CNTNAP2: variants seen among roughly 807,000 people sequenced by gnomAD.
CNTNAP2 encodes the protein contactin-associated protein-like 2.
Under a neutral mutation model 155.2 loss-of-function variants are expected in CNTNAP2, and 98 were observed. The observed-to-expected ratio is 0.63, with a 90% confidence interval of 0.54 to 0.75. CNTNAP2 has a LOEUF of 0.75. Ranked by LOEUF, CNTNAP2 falls within the 30% of genes least tolerant of loss-of-function variation. The probability of loss-of-function intolerance (pLI) is 0.00; values close to 1 mark genes in which losing one functional copy is unlikely to be tolerated. For missense variants in CNTNAP2, 1,727 were observed against 1,688.1 expected (o/e 1.02, Z -0.40); for synonymous variants, 651 against 631.2 (o/e 1.03, Z -0.47).
intron 1 of CNTNAP2, among the ~76,000 whole-genome samples, chr7:146,565,664 C>CA (rs1268376918): frequency 2.6e-5 from 4 of 152,270 alleles, no homozygotes; most frequent in African/African-American, 9.6e-5. Flanking sequence ...TTTGTTGCTA[C>CA]AAAAAACATC....
chr7:146,464,346 A>T (rs1796685860), intron 1 of CNTNAP2, among the ~76,000 whole-genome samples: 1 of 152,088 alleles, frequency 6.6e-6, no homozygotes, highest in Non-Finnish European at 1.5e-5. Flanking sequence ...CTTTGGAAGG[A>T]AATTGTCTCA....
intron 13 of CNTNAP2, among the ~76,000 whole-genome samples, chr7:147,676,423 A>G (rs1433170694): frequency 1.3e-5 from 2 of 151,850 alleles, no homozygotes; most frequent in African/African-American, 4.8e-5. Context: ...TTCACTATAT[A>G]TAATATATTG....
intron 12 of CNTNAP2, among the ~76,000 whole-genome samples, chr7:147,616,589 C>A (rs151065907): frequency 6.6e-6 from 1 of 152,246 alleles, no homozygotes; most frequent in African/African-American, 2.4e-5. Flanking sequence ...CATTGATCTT[C>A]ATATCATTCC....
At position 147,949,440 on chromosome 7, in the gene CNTNAP2, G is replaced by GTATATATATATATATATATATATATATA. The variant is rs57422437; in HGVS notation, c.2256-28403_2256-28402insATATATATATATATATATATATATATAT. Among the ~76,000 whole-genome samples the GTATATATATATATATATATATATATATA allele has an allele frequency of 1.2e-3, 157 of 127,270 alleles. 1 individual carries two copies. The highest frequency in any genetic ancestry group is 2.0e-3 in the Non-Finnish European group (118 of 57,884). The allele number at this position is 127,270 out of a possible 152,430, so 83.5% of individuals were successfully genotyped here. A position where few individuals can be genotyped will look rare whatever the true frequency, so the allele number is the denominator to read the frequency against. ...TGTGTTGTTCAAGGATCAACTGTGT[G>GTATATATATATATATATATATATATATA]TATATATATATATATATATTTTTTT... On this transcript the variant is annotated intron_variant, in intron 14 of 23. Coordinates refer to ENST00000361727, the MANE Select transcript of CNTNAP2 (RefSeq NM_014141.6).
At chr7:147,835,200 A>C (rs1357034899) in intron 13 of CNTNAP2, among the ~76,000 whole-genome samples, 2 of 152,136 alleles carry the variant, frequency 1.3e-5, no homozygotes. Context: ...ATCCCCACTG[A>C]CTCAGAAAAG....
chr7:146,759,401 A>T lies in CNTNAP2; in HGVS notation c.98-14870A>T, dbSNP rs547029433. Reference sequence around the variant, plus strand: ...GGAGGATGAACAGATTATATTTTTTAAAAAATGGTTAGGCCGGGCACGGTG... The same window carrying T: ...GGAGGATGAACAGATTATATTTTTTTAAAAATGGTTAGGCCGGGCACGGTG... On this transcript the variant is annotated intron_variant, in intron 1 of 23. Transcript: ENST00000361727. 2.6e-5 allele frequency among the ~76,000 whole-genome samples: 4 copies of T among 152,164 alleles called. No individual in the cohort carries two copies. The East Asian group carries it at 7.8e-4, about 29-fold the overall frequency.
intron 8 of CNTNAP2, among the ~76,000 whole-genome samples, chr7:147,286,007 T>C (rs1346196703): frequency 2.0e-5 from 3 of 152,188 alleles, no homozygotes; most frequent in Non-Finnish European, 2.9e-5. Context: ...ATTATAAATA[T>C]GTACATAAAG....
chr7:146,383,383 G>T (rs994001332), intron 1 of CNTNAP2, among the ~76,000 whole-genome samples: 1 of 152,050 alleles, frequency 6.6e-6, no homozygotes, highest in East Asian at 1.9e-4. Context: ...ATGGCATACT[G>T]GAAAGGTCCT....
intron 3 of CNTNAP2, among the ~76,000 whole-genome samples, chr7:146,938,403 TTATA>T (rs1796970958): frequency 6.7e-6 from 1 of 150,172 alleles, no homozygotes; most frequent in African/African-American, 2.4e-5. Flanking sequence ...GTTTTATATA[TTATA>T]TATACATATA....
At chr7:146,201,070 T>A (rs895313821) in intron 1 of CNTNAP2, among the ~76,000 whole-genome samples, 4 of 152,218 alleles carry the variant, frequency 2.6e-5, no homozygotes, top group African/African-American at 7.2e-5. Context: ...TTTGTATTTC[T>A]GCAAAATGAG....
chr7:146,802,039 G>C (rs1234859658), intron 2 of CNTNAP2, among the ~76,000 whole-genome samples: 1 of 152,140 alleles, frequency 6.6e-6, no homozygotes, highest in Non-Finnish European at 1.5e-5. Context: ...TTGTTGTGTT[G>C]AATGAATTAT....
chr7:147,178,243 C>T (rs1043409711), intron 8 of CNTNAP2, among the ~76,000 whole-genome samples: 2 of 152,014 alleles, frequency 1.3e-5, no homozygotes, highest in Non-Finnish European at 2.9e-5. Flanking sequence ...TATCTGTGGT[C>T]AGAAAATGAT....
At chr7:148,310,471 G>A (rs1797575109) in intron 21 of CNTNAP2, among the ~76,000 whole-genome samples, 1 of 152,230 alleles carries the variant, frequency 6.6e-6, no homozygotes, top group African/African-American at 2.4e-5. Flanking sequence ...ACGGAAGGTC[G>A]TGACAGAGGT....
chr7:147,302,544 C>T (rs1794964017), intron 9 of CNTNAP2, among the ~76,000 whole-genome samples: 1 of 152,158 alleles, frequency 6.6e-6, no homozygotes, highest in South Asian at 2.1e-4. Context: ...TAGCTGAATC[C>T]TAAGTGTGTA....
At chr7:146,294,664 A>T (rs1164980872) in intron 1 of CNTNAP2, among the ~76,000 whole-genome samples, 1 of 152,210 alleles carries the variant, frequency 6.6e-6, no homozygotes, top group African/African-American at 2.4e-5. Flanking sequence ...TCAGTTTACC[A>T]CTATAGACTT....
chr7:146,550,477 T>C (rs1372711731), intron 1 of CNTNAP2, among the ~76,000 whole-genome samples: 1 of 132,920 alleles, frequency 7.5e-6, no homozygotes, highest in Admixed American at 8.6e-5. Context: ...TGGGAAACTC[T>C]CCTCCGAAAA....
chr7:146,384,111 A>G (rs1795428328), intron 1 of CNTNAP2, among the ~76,000 whole-genome samples: 1 of 152,188 alleles, frequency 6.6e-6, no homozygotes, highest in African/African-American at 2.4e-5. Flanking sequence ...ACAAAAAAGA[A>G]ATTTCTGAAA....
intron 4 of CNTNAP2, among the ~76,000 whole-genome samples, chr7:147,092,908 G>A (rs1465605001): frequency 6.6e-6 from 1 of 151,986 alleles, no homozygotes; most frequent in East Asian, 1.9e-4. Context: ...TGTACTAAAT[G>A]GCACGTCCAT....
intron 1 of CNTNAP2, among the ~76,000 whole-genome samples, chr7:146,404,976 GAT>G (rs1488323490): frequency 1.3e-5 from 2 of 152,152 alleles, no homozygotes; most frequent in African/African-American, 2.4e-5. Context: ...ATGATTAGGT[GAT>G]ATGTCTTTCT....
Sources: gnomAD v4.1 joint callset for allele counts (sites outside exome capture counted in the v4.1 genomes callset) on GRCh38, gnomAD v4.1.1 for gene constraint, MANE v1.5 for transcripts, NCBI Gene and HGNC (gene_info 2026-07-23, HGNC 2026-07-21) for gene names.